The following AFF2 variants were observed in gnomAD, a reference collection of about 807,000 sequenced individuals.
The protein encoded by AFF2 is ALF transcription elongation factor 2.
A neutral mutation model predicts 76.9 loss-of-function variants in AFF2; 14 were observed. The ratio of observed to expected loss-of-function variants is 0.18; its 90% CI spans 0.12 to 0.28. AFF2 has a LOEUF of 0.28. Ranked by LOEUF, AFF2 falls within the 10% of genes least tolerant of loss-of-function variation. The pLI, the probability that AFF2 is intolerant of heterozygous loss-of-function variation, is 1.00. For missense variants in AFF2, 868 were observed against 1,001.1 expected (o/e 0.87, Z 1.79); for synonymous variants, 398 against 366.7 (o/e 1.09, Z -0.98).
intron 1 of AFF2, among the ~76,000 whole-genome samples, chrX:148,569,427 G>C (rs988567641): frequency 9.0e-6 from 1 of 111,218 alleles, no homozygotes. Flanking sequence ...TATGGGAAAA[G>C]TAACCAAACA....
intron 4 of AFF2, among the ~76,000 whole-genome samples, chrX:148,833,168 T>A (rs1395957281): frequency 9.0e-6 from 1 of 111,546 alleles, no homozygotes; most frequent in African/African-American, 3.3e-5. Context: ...CTTCAACTAT[T>A]GAAGCCTTTT....
chrX:148,797,067 T>A (rs782024608), intron 3 of AFF2, among the ~76,000 whole-genome samples: 1 of 112,801 alleles, frequency 8.9e-6, no homozygotes, highest in East Asian at 2.8e-4. Context: ...TGAAAATACT[T>A]GCAGGAATGG....
chrX:148,649,462 G>T (rs1347162619), intron 1 of AFF2, among the ~76,000 whole-genome samples: 1 of 112,501 alleles, frequency 8.9e-6, no homozygotes, highest in Non-Finnish European at 1.9e-5. Context: ...TCCAAGAGCA[G>T]TGGAGCTCTG....
chrX:148,797,199 T>A (rs1207699299), intron 3 of AFF2, among the ~76,000 whole-genome samples: 1 of 110,927 alleles, frequency 9.0e-6, no homozygotes, highest in Non-Finnish European at 1.9e-5. Context: ...TTCAAATTAA[T>A]CTGCTTTTGG....
At chrX:148,527,594 A>G (rs782562331) in intron 1 of AFF2, among the ~76,000 whole-genome samples, 2 of 111,809 alleles carry the variant, frequency 1.8e-5, no homozygotes, top group East Asian at 2.8e-4. Context: ...GCGATACACA[A>G]TGTTGGGTTT....
intron 1 of AFF2, among the ~76,000 whole-genome samples, chrX:148,503,421 C>G (rs1557232117): frequency 9.0e-6 from 1 of 111,444 alleles, no homozygotes; most frequent in African/African-American, 3.3e-5. Context: ...ATGGCCTCCA[C>G]TCCCCACGCC....
At chrX:148,749,546 G>C (rs1208629052) in intron 3 of AFF2, among the ~76,000 whole-genome samples, 1 of 111,502 alleles carries the variant, frequency 9.0e-6, no homozygotes, top group Non-Finnish European at 1.9e-5. Flanking sequence ...TATATATTGA[G>C]TGCCTCATTT....
At chrX:148,813,689 C>T (rs914784382) in intron 4 of AFF2, among the ~76,000 whole-genome samples, 12 of 111,917 alleles carry the variant, frequency 1.1e-4, no homozygotes, top group African/African-American at 3.6e-4. Context: ...TCATACTATC[C>T]GTTCTTCTGG....
intron 3 of AFF2, among the ~76,000 whole-genome samples, chrX:148,687,610 T>A (rs1180167826): frequency 9.1e-6 from 1 of 110,480 alleles, no homozygotes; most frequent in Non-Finnish European, 1.9e-5. Context: ...TGATTTCCCT[T>A]CTGCTTGATC....
chrX:148,643,185 G>A (rs1042608223), intron 1 of AFF2, among the ~76,000 whole-genome samples: 10 of 112,057 alleles, frequency 8.9e-5, no homozygotes, highest in Non-Finnish European at 1.5e-4. Context: ...ATGGGGAACA[G>A]GGTGGATGCT....
At chrX:148,739,144 G>A (rs960093310) in intron 3 of AFF2, among the ~76,000 whole-genome samples, 1 of 111,776 alleles carries the variant, frequency 8.9e-6, no homozygotes, top group Non-Finnish European at 1.9e-5. Flanking sequence ...TTGTTCCAAG[G>A]TATAGCTTAA....
At chrX:148,861,604 AT>A (rs1388288305) in intron 7 of AFF2, among the ~76,000 whole-genome samples, 25 of 110,769 alleles carry the variant, frequency 2.3e-4, no homozygotes, top group African/African-American at 6.9e-4. Flanking sequence ...TGGCTATAGA[AT>A]TTTTTTTCCC....
chrX:148,584,556 G>T (rs2053446428), intron 1 of AFF2, among the ~76,000 whole-genome samples: 1 of 63,234 alleles, frequency 1.6e-5, no homozygotes. Context: ...TAAATGAAAT[G>T]ATTTTTTTTT....
intron 3 of AFF2, among the ~76,000 whole-genome samples, chrX:148,765,077 G>T (rs73249440): frequency 9.0e-6 from 1 of 110,669 alleles, no homozygotes; most frequent in African/African-American, 3.3e-5. Context: ...ATGGGCTTTC[G>T]CTATAGAGTT....
chrX:148,546,925 T>G (rs148532831), intron 1 of AFF2: 30 of 112,541 alleles, frequency 2.7e-4, no homozygotes, highest in Non-Finnish European at 4.9e-4. Flanking sequence ...TTGTGTGTTA[T>G]CATGCATGTA....
At chrX:148,803,912 T>C (rs2070093069) in intron 3 of AFF2, among the ~76,000 whole-genome samples, 1 of 111,226 alleles carries the variant, frequency 9.0e-6, no homozygotes, top group Non-Finnish European at 1.9e-5. Context: ...TTTTTCACCT[T>C]TAATGAGAGC....
intron 1 of AFF2, among the ~76,000 whole-genome samples, chrX:148,564,489 A>C (rs1038662092): frequency 9.2e-6 from 1 of 108,296 alleles, no homozygotes; most frequent in African/African-American, 3.4e-5. Flanking sequence ...AAAAAAATCA[A>C]CGTTACTCTG....
chrX:148,896,876 T>G (rs1353087468), intron 8 of AFF2, among the ~76,000 whole-genome samples: 7 of 110,214 alleles, frequency 6.4e-5, no homozygotes, highest in Admixed American at 2.9e-4. Flanking sequence ...GAAATAGTAA[T>G]GCTGTCTGTG....
At chrX:148,875,483 C>T (rs1189174977) in intron 7 of AFF2, among the ~76,000 whole-genome samples, 1 of 111,646 alleles carries the variant, frequency 9.0e-6, no homozygotes, top group Non-Finnish European at 1.9e-5. Flanking sequence ...CAAATGGTGT[C>T]ATTGGATGAT....
Sources: allele counts gnomAD v4.1 joint callset (sites outside exome capture counted in the v4.1 genomes callset), GRCh38; gene constraint gnomAD v4.1.1; transcripts MANE v1.5; gene names NCBI Gene and HGNC (gene_info 2026-07-23, HGNC 2026-07-21).